The following ATXN7L1 variants were observed in gnomAD, a reference collection of about 807,000 sequenced individuals.
The protein encoded by ATXN7L1 is ataxin 7 like 1.
A neutral mutation model predicts 70.8 loss-of-function variants in ATXN7L1; 15 were observed. The ratio of observed to expected loss-of-function variants is 0.21; its 90% confidence interval spans 0.14 to 0.33. The LOEUF is 0.33. Ranked by LOEUF, ATXN7L1 falls within the 10% of genes least tolerant of loss-of-function variation. ATXN7L1 has a pLI of 1.00. For missense variants in ATXN7L1, 975 were observed against 1,097.1 expected, an observed-to-expected ratio of 0.89 and a Z score of 1.57; for synonymous variants, 440 against 445.1, an observed-to-expected ratio of 0.99 and a Z score of 0.14.
At chr7:105,648,588 T>A (rs558076427) in intron 4 of ATXN7L1, among the ~76,000 whole-genome samples, 2 of 152,264 alleles carry the variant, frequency 1.3e-5, no homozygotes, top group African/African-American at 4.8e-5. Context: ...TAAGAGCCTA[T>A]TAAGAGCCCC....
intron 2 of ATXN7L1, among the ~76,000 whole-genome samples, chr7:105,826,032 T>G (rs1041778831): frequency 1.3e-5 from 2 of 152,002 alleles, no homozygotes; most frequent in Non-Finnish European, 2.9e-5. Context: ...AACCAATAAA[T>G]GAAGAAGTAC....
intron 2 of ATXN7L1, among the ~76,000 whole-genome samples, chr7:105,863,792 A>G (rs1053399588): frequency 6.6e-6 from 1 of 152,346 alleles, no homozygotes; most frequent in Admixed American, 6.5e-5. Context: ...GCGAACATGC[A>G]CATTTAGCCC....
rs945700697 is a variant in ATXN7L1, at chr7:105,788,611, C to T, written c.348G>A (p.Ser116=). ...GTGCAGGGGTCCACTTACCGCAGTGCGACTGGAAAACCTGTGGCTTGACGA... is the reference window on the plus strand; with the variant it reads ...GTGCAGGGGTCCACTTACCGCAGTGTGACTGGAAAACCTGTGGCTTGACGA... ...NQVVKPQVFQ[S]HCERRHGSMC... Residue 116 remains serine (S), a synonymous_variant, in exon 3 of 12, where the codon TCG becomes TCA. Coordinates refer to ENST00000419735, the MANE Select transcript of ATXN7L1 (RefSeq NM_020725.2). 16 of 1,610,604 alleles carry T rather than the reference C, an allele frequency of 9.9e-6. No homozygotes were observed. Among genetic ancestry groups the T allele is most frequent in the African/African-American group, 2.7e-5 (2 of 74,836 alleles).
At chr7:105,668,669 G>A (rs191924354) in intron 3 of ATXN7L1, among the ~76,000 whole-genome samples, 18 of 152,240 alleles carry the variant, frequency 1.2e-4, no homozygotes, top group Admixed American at 9.2e-4. Flanking sequence ...TGATTTGCCC[G>A]TCTCAGCCTC....
chr7:105,844,813 T>G (rs1245300651), intron 2 of ATXN7L1, among the ~76,000 whole-genome samples: 2 of 152,164 alleles, frequency 1.3e-5, no homozygotes, highest in African/African-American at 4.8e-5. Context: ...GACATGACCT[T>G]ATATACAGAA....
chr7:105,718,348 C>G (rs570049464), intron 3 of ATXN7L1, among the ~76,000 whole-genome samples: 1 of 152,310 alleles, frequency 6.6e-6, no homozygotes, highest in East Asian at 1.9e-4. Context: ...AGTCCGAATT[C>G]CGAGTTCCTG....
At chr7:105,704,937 T>C (rs921042328) in intron 3 of ATXN7L1, among the ~76,000 whole-genome samples, 2 of 152,090 alleles carry the variant, frequency 1.3e-5, no homozygotes, top group Non-Finnish European at 2.9e-5. Context: ...TCTGTCAGAC[T>C]CCAAACCCAA....
chr7:105,752,593 A>G (rs1799341979), intron 3 of ATXN7L1, among the ~76,000 whole-genome samples: 1 of 152,206 alleles, frequency 6.6e-6, no homozygotes, highest in Non-Finnish European at 1.5e-5. Context: ...TCAAACATGT[A>G]GTTGAGGCTG....
At chr7:105,618,626 C>T (rs62487024) in intron 9 of ATXN7L1, among the ~76,000 whole-genome samples, 33,283 of 152,054 alleles carry the variant, frequency 0.22, 4,634 homozygotes, top group Non-Finnish European at 0.31. Flanking sequence ...CCTCCCGTTT[C>T]TTAGGAATCC....
At chr7:105,735,236 C>G (rs1486011629) in intron 3 of ATXN7L1, among the ~76,000 whole-genome samples, 12 of 152,174 alleles carry the variant, frequency 7.9e-5, no homozygotes, top group Non-Finnish European at 1.8e-4. Flanking sequence ...TTATACAGTA[C>G]TAGCTCAGCC....
At chr7:105,755,995 A>G (rs1432269117) in intron 3 of ATXN7L1, among the ~76,000 whole-genome samples, 2 of 152,238 alleles carry the variant, frequency 1.3e-5, no homozygotes, top group East Asian at 3.9e-4. Flanking sequence ...CTGGCTCCAC[A>G]GTCTTTGTGT....
At chr7:105,677,242 G>A (rs910902579) in intron 3 of ATXN7L1, among the ~76,000 whole-genome samples, 1 of 152,238 alleles carries the variant, frequency 6.6e-6, no homozygotes, top group Non-Finnish European at 1.5e-5. Flanking sequence ...CAAACATGCT[G>A]TCTTTGGAAT....
intron 2 of ATXN7L1, among the ~76,000 whole-genome samples, chr7:105,867,592 T>C (rs1376649833): frequency 6.6e-6 from 1 of 152,212 alleles, no homozygotes; most frequent in African/African-American, 2.4e-5. Flanking sequence ...GGACCGAGGC[T>C]TCTCTCTCTT....
intron 3 of ATXN7L1, among the ~76,000 whole-genome samples, chr7:105,733,674 C>G (rs1416417447): frequency 1.6e-5 from 2 of 126,778 alleles, no homozygotes; most frequent in Non-Finnish European, 1.7e-5. Context: ...ATCCATCCAT[C>G]CATCCACCCA....
chr7:105,774,718 G>A (rs191544641), intron 3 of ATXN7L1, among the ~76,000 whole-genome samples: 101 of 152,122 alleles, frequency 6.6e-4, no homozygotes, highest in Non-Finnish European at 1.3e-3. Context: ...TTATTAATGC[G>A]CTTTGGTTAA....
intron 3 of ATXN7L1, among the ~76,000 whole-genome samples, chr7:105,775,132 T>C (rs1161273094): frequency 1.3e-5 from 2 of 152,218 alleles, no homozygotes; most frequent in Non-Finnish European, 2.9e-5. Flanking sequence ...ATCTATTTCC[T>C]ATGAGTCTCC....
chr7:105,702,838 G>A (rs1021947015), intron 3 of ATXN7L1, among the ~76,000 whole-genome samples: 2 of 151,996 alleles, frequency 1.3e-5, no homozygotes, highest in African/African-American at 2.4e-5. Context: ...AAAAATTGCC[G>A]CCGGGCGCAG....
intron 3 of ATXN7L1, among the ~76,000 whole-genome samples, chr7:105,772,337 G>A (rs547159869): frequency 6.6e-6 from 1 of 152,278 alleles, no homozygotes; most frequent in African/African-American, 2.4e-5. Flanking sequence ...GCCTCCCAAA[G>A]TGCTGGGATT....
chr7:105,743,104 T>C (rs1272795544), intron 3 of ATXN7L1, among the ~76,000 whole-genome samples: 1 of 152,188 alleles, frequency 6.6e-6, no homozygotes, highest in African/African-American at 2.4e-5. Flanking sequence ...AGCTGTCAGA[T>C]CTGGCCTCCC....
Sources: allele counts gnomAD v4.1 joint callset (sites outside exome capture counted in the v4.1 genomes callset), GRCh38; gene constraint gnomAD v4.1.1; transcripts MANE v1.5; gene names NCBI Gene and HGNC (gene_info 2026-07-23, HGNC 2026-07-21).